Variants in ZNF346 observed in about 807,000 individuals in gnomAD.
The protein encoded by ZNF346 is double-stranded RNA-binding zinc finger protein JAZ.
Under a neutral mutation model 33.7 loss-of-function variants are expected in ZNF346, and 23 were observed. The observed-to-expected ratio is 0.68, with a 90% CI of 0.49 to 0.97. The LOEUF is 0.97. Ranked by LOEUF, ZNF346 falls within the 50% of genes least tolerant of loss-of-function variation. The pLI is 0.00. For missense variants in ZNF346, 340 were observed against 371.1 expected (o/e 0.92, Z 0.69); for synonymous variants, 134 against 142.4 (o/e 0.94, Z 0.42).
chr5:177,036,421 C>T (rs566753803), intron 1 of ZNF346, among the ~76,000 whole-genome samples: 5 of 152,158 alleles, frequency 3.3e-5, no homozygotes, highest in Non-Finnish European at 7.3e-5. Context: ...TTCTAAACAC[C>T]TGGAGCCTAT....
chr5:177,028,821 G>A (rs1777266806), intron 1 of ZNF346, among the ~76,000 whole-genome samples: 1 of 142,508 alleles, frequency 7.0e-6, no homozygotes, highest in Non-Finnish European at 1.5e-5. Flanking sequence ...CCAGGTTCAT[G>A]CCATTCTCCT....
chr5:177,041,705 A>G (rs932126608), intron 2 of ZNF346, 73 bp from the exon 3 acceptor site: 9 of 956,042 alleles, frequency 9.4e-6, no homozygotes, highest in African/African-American at 3.3e-5. Flanking sequence ...TGAAAATCTC[A>G]TAAGTGTTTT....
At chr5:177,055,731 G>A (rs180759057) in intron 5 of ZNF346, among the ~76,000 whole-genome samples, 4 of 151,932 alleles carry the variant, frequency 2.6e-5, no homozygotes, top group East Asian at 1.9e-4. Flanking sequence ...ACTTGAGGTC[G>A]GGAGTTCGAG....
chr5:177,044,574 C>T (rs369276473), intron 4 of ZNF346, 41 bp downstream of exon 4: 25 of 1,606,948 alleles, frequency 1.6e-5, no homozygotes, highest in Non-Finnish European at 2.0e-5. Flanking sequence ...GGACCCCTGC[C>T]GTCCTCAGGG....
At chr5:177,071,672 G>A (rs150261438), downstream of ZNF346, among the ~76,000 whole-genome samples, 7 of 129,146 alleles carry the variant, frequency 5.4e-5, no homozygotes, top group African/African-American at 1.7e-4. Flanking sequence ...GCGACAGAGC[G>A]AGACTCTGTC....
chr5:177,028,594 A>G (rs1409766499), intron 1 of ZNF346, among the ~76,000 whole-genome samples: 5 of 143,150 alleles, frequency 3.5e-5, no homozygotes, highest in Non-Finnish European at 6.0e-5. Flanking sequence ...CAGTAAGAGT[A>G]TCTTCTGTTA....
chr5:177,071,697 AGAAG>A (rs869123918), downstream of ZNF346, among the ~76,000 whole-genome samples: 1,426 of 144,736 alleles, frequency 9.9e-3, 32 homozygotes, highest in African/African-American at 0.034. Context: ...AAAAAAAAAA[AGAAG>A]AAGAAGAAGA....
chr5:177,072,150 G>A (rs570909610), downstream of ZNF346, among the ~76,000 whole-genome samples: 1 of 152,320 alleles, frequency 6.6e-6, no homozygotes, highest in East Asian at 1.9e-4. Flanking sequence ...CAGGACAACT[G>A]GCAAAGACTT....
chr5:177,056,101 CG>C (rs966432164), intron 5 of ZNF346, among the ~76,000 whole-genome samples: 1 of 137,570 alleles, frequency 7.3e-6, no homozygotes, highest in Non-Finnish European at 1.6e-5. Flanking sequence ...AAAAGTTAGC[CG>C]GGCATGGTGG....
exon 9 of ZNF346, chr5:177,079,507 C>G (rs1783899367): frequency 6.6e-6 from 1 of 152,198 alleles, no homozygotes; most frequent in Admixed American, 6.6e-5. Context: ...GCAGCTGAAG[C>G]CAACATCTTG....
At position 177,066,869 on chromosome 5, in the gene ZNF346, G is replaced by C. The variant is rs912255458; in HGVS notation, c.*2270G>C. Among the ~76,000 whole-genome samples, 3 of 152,142 alleles carry C rather than the reference G, an allele frequency of 2.0e-5. No homozygotes were observed. The highest frequency in any genetic ancestry group is 4.4e-5 in the Non-Finnish European group (3 of 68,038). The stretch of plus-strand genomic sequence containing the variant: ...AGGTCAGAAGTTCGAGACCAGCCTG[G>C]CCAACATGATGGCAAAACCCCGTCC... On this transcript the variant is annotated 3_prime_UTR_variant, in exon 7 of 7. Transcript: ENST00000358149.
chr5:177,047,032 T>TTTA (rs1562000137), intron 4 of ZNF346, among the ~76,000 whole-genome samples: 6 of 67,594 alleles, frequency 8.9e-5, no homozygotes, highest in African/African-American at 3.0e-4. Context: ...TTATTTATTT[T>TTTA]TATTTATTTA....
rs1234332067 is a variant in ZNF346, at chr5:177,066,850, G to C, written c.*2251G>C. Among the ~76,000 whole-genome samples the C allele has an allele frequency of 6.6e-6, 1 of 152,190 alleles. No homozygotes were observed. Among genetic ancestry groups the C allele is most frequent in the Non-Finnish European group, 1.5e-5 (1 of 68,046 alleles). The stretch of plus-strand genomic sequence containing the variant: ...AAGGCAGGTGGATAACCTGAGGTCA[G>C]AAGTTCGAGACCAGCCTGGCCAACA... On this transcript the variant is annotated 3_prime_UTR_variant, in exon 7 of 7. Transcript: ENST00000358149.
At position 177,064,548 on chromosome 5, in the gene ZNF346, T is replaced by C. The variant is rs748878040; in HGVS notation, c.834T>C (p.Ile278=). ...CAGTGGCATCATCCCTGGGCCAGAT[T>C]CCAATGCAAAGGCAACCCATTCAGA... ...PKTVASSLGQ[I]PMQRQPIQKD... Residue 278 remains isoleucine (I), a synonymous_variant, in exon 7 of 7, where the codon ATT becomes ATC. Coordinates refer to ENST00000358149, the MANE Select transcript of ZNF346 (RefSeq NM_012279.4). 150 of 1,614,066 alleles carry C rather than the reference T, an allele frequency of 9.3e-5. No individual in the cohort carries two copies. Among genetic ancestry groups the C allele is most frequent in the Non-Finnish European group, 1.2e-4 (145 of 1,180,028 alleles).
chr5:177,061,834 G>A (rs993083584), intron 5 of ZNF346, among the ~76,000 whole-genome samples: 18 of 152,142 alleles, frequency 1.2e-4, no homozygotes, highest in African/African-American at 4.3e-4. Context: ...GCTCTACGCT[G>A]GAACGAGGGA....
intron 5 of ZNF346, among the ~76,000 whole-genome samples, chr5:177,061,353 G>A (rs1251701717): frequency 1.3e-5 from 2 of 151,882 alleles, no homozygotes; most frequent in African/African-American, 4.8e-5. Context: ...GCTGAGGCAG[G>A]AGAATCCCTC....
chr5:177,023,641 G>A (rs973657259), intron 1 of ZNF346, among the ~76,000 whole-genome samples: 2 of 152,172 alleles, frequency 1.3e-5, no homozygotes, highest in African/African-American at 4.8e-5. Flanking sequence ...TGGGATGAAA[G>A]AAAGAGAAGG....
downstream of ZNF346, among the ~76,000 whole-genome samples, chr5:177,069,578 T>TGGAATGCAGTGGTGCCATCA (rs1285826240): frequency 6.6e-6 from 1 of 152,194 alleles, no homozygotes; most frequent in Non-Finnish European, 1.5e-5. Flanking sequence ...GCCCCCAGGC[T>TGGAATGCAGTGGTGCCATCA]GGAATGCAGT....
Position 177,044,856 on chromosome 5 carries a change from A to G in ZNF346, c.517+323A>G, listed in dbSNP as rs527438776. 2.6e-5 allele frequency among the ~76,000 whole-genome samples: 4 copies of G among 152,276 alleles called. No individual in the cohort carries two copies. In the South Asian group the frequency reaches 8.3e-4, roughly 32 times the overall value. ...CATTCTATCTCCTACCTCTCCCACT[A>G]GATTTTTCCATCCCAGCATCCACCT... On this transcript the variant is annotated intron_variant, in intron 4 of 6. Coordinates refer to ENST00000358149, the MANE Select transcript of ZNF346 (RefSeq NM_012279.4).
Sources: gnomAD v4.1 joint callset for allele counts (sites outside exome capture counted in the v4.1 genomes callset) on GRCh38, gnomAD v4.1.1 for gene constraint, MANE v1.5 for transcripts, NCBI Gene and HGNC (gene_info 2026-07-23, HGNC 2026-07-21) for gene names.